Variants in ADGRL2 observed in about 807,000 individuals in gnomAD.
ADGRL2 encodes the protein adhesion G protein-coupled receptor L2, also known as calcium-independent alpha-latrotoxin receptor 2.
Under a neutral mutation model 157.4 loss-of-function variants are expected in ADGRL2, and 44 were observed. That is an observed-to-expected ratio of 0.28 (90% CI 0.22 to 0.36). The LOEUF (loss-of-function observed/expected upper bound fraction) is 0.36, where lower values mean the gene tolerates loss of function less well. Among genes scored for constraint, ADGRL2 ranks in the 10% least tolerant of loss-of-function variants. ADGRL2 has a pLI of 1.00. For missense variants in ADGRL2, 1,510 were observed against 1,768.9 expected, an observed-to-expected ratio of 0.85 and a Z score of 2.63; for synonymous variants, 585 against 624.7, an observed-to-expected ratio of 0.94 and a Z score of 0.95.
intron 1 of ADGRL2, among the ~76,000 whole-genome samples, chr1:81,390,479 T>G (rs1200636748): frequency 6.6e-6 from 1 of 152,306 alleles, no homozygotes; most frequent in African/African-American, 2.4e-5. Context: ...TGTATAGATA[T>G]GCAATTTCAA....
chr1:81,380,941 A>G lies in ADGRL2; in HGVS notation c.-301-64095A>G, dbSNP rs140174430. 4.3e-3 allele frequency among the ~76,000 whole-genome samples: 648 copies of G among 152,282 alleles called. 2 individuals carry two copies. Among genetic ancestry groups the G allele is most frequent in the African/African-American group, 0.015 (609 of 41,582 alleles). Reference sequence around the variant, plus strand: ...TACATGTGGAAACTACATGAAATATATAAATAAATAAGGTTCCATCATCTC... The same window carrying G: ...TACATGTGGAAACTACATGAAATATGTAAATAAATAAGGTTCCATCATCTC... On this transcript the variant is annotated intron_variant, in intron 1 of 24. Transcript: ENST00000370721.
chr1:81,955,983 C>T lies in ADGRL2; in HGVS notation c.1940C>T (p.Thr647Ile). The change falls in exon 11 of 24, where the codon ACA becomes ATA. Residue 647 changes from threonine (T) to isoleucine (I), a missense_variant. Transcript: ENST00000686636. ...QAHTATMLLD[T>I]LEEGAFVLAD... ...CATACTGCAACAATGTTACTCGATA[C>T]ATTGGAAGAAGGAGCTTTTGTCCTA... 1.2e-6 allele frequency: 2 copies of T among 1,611,314 alleles called. No individual in the cohort carries two copies. Among genetic ancestry groups the T allele is most frequent in the East Asian group, 2.2e-5 (1 of 44,686 alleles).
At chr1:81,917,404 A>T (rs1395237773) in intron 3 of ADGRL2, among the ~76,000 whole-genome samples, 2 of 152,092 alleles carry the variant, frequency 1.3e-5, no homozygotes, top group African/African-American at 4.8e-5. Context: ...TATTTTCTTT[A>T]AGTATATTAT....
rs563339433 is a variant in ADGRL2 at position 81,410,044 on chromosome 1, C to T, written c.-301-34992C>T. Among the ~76,000 whole-genome samples, 34 of 152,308 alleles carry T rather than the reference C, an allele frequency of 2.2e-4. No individual in the cohort carries two copies. In the East Asian group the frequency reaches 2.5e-3, roughly 11 times the overall value. ...GTCTAAGAAACTCTGAATATCAGCA[C>T]GTTCCAAAGCTTAGTAACAAAGCTT... On this transcript the variant is annotated intron_variant, in intron 1 of 24. Coordinates refer to the ADGRL2 transcript ENST00000370721.
chr1:81,532,054 C>T (rs2079612666), intron 2 of ADGRL2, among the ~76,000 whole-genome samples: 1 of 152,104 alleles, frequency 6.6e-6, no homozygotes, highest in South Asian at 2.1e-4. Flanking sequence ...TTAGTCATGC[C>T]TTTACAAGCT....
intron 2 of ADGRL2, among the ~76,000 whole-genome samples, chr1:81,871,468 T>A (rs1215327738): frequency 6.6e-6 from 1 of 152,104 alleles, no homozygotes; most frequent in Non-Finnish European, 1.5e-5. Context: ...GATAGCGGGG[T>A]CAAATGGTAT....
chr1:81,951,170 C>A, intron 8 of ADGRL2, 49 bp downstream of exon 8: 1 of 1,201,704 alleles, frequency 8.3e-7, no homozygotes, highest in Non-Finnish European at 1.2e-6. Context: ...AGGGCATTAA[C>A]TTCTAACATA....
At chr1:81,691,009 G>A (rs1212823457) in intron 3 of ADGRL2, among the ~76,000 whole-genome samples, 1 of 152,152 alleles carries the variant, frequency 6.6e-6, no homozygotes, top group Non-Finnish European at 1.5e-5. Flanking sequence ...CAGCAGCAGG[G>A]GAAAATTTAT....
chr1:81,577,182 C>T (rs2080814427), intron 2 of ADGRL2, among the ~76,000 whole-genome samples: 1 of 152,156 alleles, frequency 6.6e-6, no homozygotes, highest in Non-Finnish European at 1.5e-5. Context: ...GGGGGACAGG[C>T]ACTATCTCTG....
At chr1:81,537,510 T>G (rs1000030569) in intron 2 of ADGRL2, among the ~76,000 whole-genome samples, 1 of 151,984 alleles carries the variant, frequency 6.6e-6, no homozygotes, top group African/African-American at 2.4e-5. Flanking sequence ...GGTCTGGGAC[T>G]CCCAACCTCA....
At chr1:81,444,284 C>G (rs2077561175) in intron 1 of ADGRL2, among the ~76,000 whole-genome samples, 1 of 152,106 alleles carries the variant, frequency 6.6e-6, no homozygotes, top group Admixed American at 6.6e-5. Context: ...GTCAGTGGTT[C>G]ACAAAGACCA....
intron 2 of ADGRL2, among the ~76,000 whole-genome samples, chr1:81,518,031 A>G (rs1570358058): frequency 6.6e-6 from 1 of 152,364 alleles, no homozygotes; most frequent in Non-Finnish European, 1.5e-5. Context: ...TAACCAATAA[A>G]TGCATTGATT....
intron 18 of ADGRL2, among the ~76,000 whole-genome samples, chr1:81,981,377 A>G: frequency 6.6e-6 from 1 of 151,908 alleles, no homozygotes; most frequent in East Asian, 1.9e-4. Context: ...TCTGAAGTTT[A>G]GGTGTTAAGT....
chr1:81,706,297 T>A (rs2083735359), intron 1 of ADGRL2, among the ~76,000 whole-genome samples: 1 of 151,860 alleles, frequency 6.6e-6, no homozygotes, highest in African/African-American at 2.4e-5. Context: ...AGAGGAGAAA[T>A]TGACAGGGTT....
At chr1:81,974,030 T>C (rs1356439381) in intron 17 of ADGRL2, among the ~76,000 whole-genome samples, 1 of 152,200 alleles carries the variant, frequency 6.6e-6, no homozygotes. Context: ...TATTGTATAC[T>C]ATCCTTTTAA....
intron 3 of ADGRL2, among the ~76,000 whole-genome samples, chr1:81,615,717 A>G (rs1438358770): frequency 6.6e-6 from 1 of 152,232 alleles, no homozygotes; most frequent in Non-Finnish European, 1.5e-5. Context: ...TTGAGGTCCC[A>G]TCTAAGTGAT....
chr1:81,959,034 C>G (rs1359425816), intron 11 of ADGRL2, among the ~76,000 whole-genome samples: 1 of 152,170 alleles, frequency 6.6e-6, no homozygotes, highest in Non-Finnish European at 1.5e-5. Flanking sequence ...TGTATATCTA[C>G]TCACTTAGAC....
exon 3 of ADGRL2, chr1:81,580,952 A>G (rs746017994): frequency 1.3e-5 from 2 of 152,202 alleles, no homozygotes; most frequent in Non-Finnish European, 2.9e-5. Context: ...TTTACAAAAC[A>G]TTACCAAATC....
At chr1:81,709,177 C>A (rs2149068751) in intron 1 of ADGRL2, among the ~76,000 whole-genome samples, 1 of 152,212 alleles carries the variant, frequency 6.6e-6, no homozygotes, top group African/African-American at 2.4e-5. Flanking sequence ...TCAGAGAAGT[C>A]ATTAGGGTGG....
Sources: gnomAD v4.1 joint callset for allele counts (sites outside exome capture counted in the v4.1 genomes callset) on GRCh38, gnomAD v4.1.1 for gene constraint, MANE v1.5 for transcripts, NCBI Gene and HGNC (gene_info 2026-07-23, HGNC 2026-07-21) for gene names.